Variants in CADM2 observed in about 807,000 individuals in gnomAD.
CADM2 encodes cell adhesion molecule 2.
CADM2 carries 12 observed loss-of-function variants against 49.8 expected under a neutral mutation model. That is an observed-to-expected ratio of 0.24 (90% CI 0.15 to 0.39). The LOEUF (loss-of-function observed/expected upper bound fraction) is 0.39, where lower values mean the gene tolerates loss of function less well. Ranked by LOEUF, CADM2 falls within the 10% of genes least tolerant of loss-of-function variation. CADM2 has a pLI of 1.00. For synonymous variants in CADM2, 214 were observed against 175.4 expected (o/e 1.22, Z -1.74); for missense variants, 378 against 492.3 (o/e 0.77, Z 2.20).
In CADM2 at chr3:85,401,241, T is replaced by C. The variant is rs567982664; in HGVS notation, c.62-325281T>C. On this transcript the variant is annotated intron_variant, in intron 1 of 9. Transcript: ENST00000383699. ...GACTGGCCTCAGCTAATGGTTCTTT[T>C]ATTTTTCTCACTGGTAAAAGTACTG... is the stretch of plus-strand genomic sequence containing the variant. Among the ~76,000 whole-genome samples the C allele has an allele frequency of 1.1e-4, 16 of 152,312 alleles. No homozygotes were observed. In the South Asian group the frequency reaches 3.3e-3, roughly 32 times the overall value.
intron 1 of CADM2, among the ~76,000 whole-genome samples, chr3:85,071,479 C>T (rs1478514318): frequency 6.6e-6 from 1 of 152,028 alleles, no homozygotes; most frequent in Non-Finnish European, 1.5e-5. Context: ...ACAAGTAGTG[C>T]CACCAAATTG....
chr3:84,969,237 T>C (rs998487883), intron 1 of CADM2, among the ~76,000 whole-genome samples: 2 of 152,038 alleles, frequency 1.3e-5, no homozygotes, highest in Non-Finnish European at 2.9e-5. Flanking sequence ...TTTATGCTTA[T>C]GGCAATAAAA....
At chr3:85,808,776 A>T (rs1430949905) in intron 3 of CADM2, among the ~76,000 whole-genome samples, 1 of 152,238 alleles carries the variant, frequency 6.6e-6, no homozygotes, top group Admixed American at 6.5e-5. Flanking sequence ...TTTATTAAAG[A>T]CATAGCTTTA....
intron 1 of CADM2, among the ~76,000 whole-genome samples, chr3:85,629,844 C>A (rs2064251751): frequency 6.6e-6 from 1 of 151,954 alleles, no homozygotes; most frequent in African/African-American, 2.4e-5. Context: ...ATTGGTTAAA[C>A]TACTCTGTTT....
chr3:85,234,881 A>G (rs1010494762), intron 1 of CADM2, among the ~76,000 whole-genome samples: 1 of 152,158 alleles, frequency 6.6e-6, no homozygotes, highest in Non-Finnish European at 1.5e-5. Flanking sequence ...ATAAAACATA[A>G]GAGTAGAACA....
At chr3:85,591,861 G>C (rs531055084) in intron 1 of CADM2, among the ~76,000 whole-genome samples, 8 of 151,916 alleles carry the variant, frequency 5.3e-5, no homozygotes, top group Middle Eastern at 3.2e-3. Context: ...TTGATGGAAG[G>C]GACTGATGAG....
chr3:85,162,385 C>G (rs1376924036), intron 1 of CADM2, among the ~76,000 whole-genome samples: 1 of 152,010 alleles, frequency 6.6e-6, no homozygotes, highest in Non-Finnish European at 1.5e-5. Flanking sequence ...TAAATAATGG[C>G]TTTTTATATC....
intron 8 of CADM2, among the ~76,000 whole-genome samples, chr3:85,967,553 A>C (rs1725622874): frequency 6.6e-6 from 1 of 151,648 alleles, no homozygotes; most frequent in African/African-American, 2.4e-5. Flanking sequence ...ATATAATAAT[A>C]CATCCCTAAT....
intron 1 of CADM2, among the ~76,000 whole-genome samples, chr3:85,512,309 C>A (rs1206520486): frequency 6.6e-6 from 1 of 152,068 alleles, no homozygotes; most frequent in Non-Finnish European, 1.5e-5. Flanking sequence ...AGGAGAATGG[C>A]CTCCAGCTGA....
chr3:85,509,615 G>A (rs1407243264), intron 1 of CADM2, among the ~76,000 whole-genome samples: 1 of 152,118 alleles, frequency 6.6e-6, no homozygotes, highest in Non-Finnish European at 1.5e-5. Context: ...CATGAGGGCA[G>A]TGATGGTCTG....
intron 7 of CADM2, among the ~76,000 whole-genome samples, chr3:85,936,363 A>C (rs1028160527): frequency 6.6e-6 from 1 of 151,894 alleles, no homozygotes; most frequent in Non-Finnish European, 1.5e-5. Flanking sequence ...TTTCAATATT[A>C]GAATATATGC....
At chr3:85,269,322 C>A (rs995195093) in intron 1 of CADM2, among the ~76,000 whole-genome samples, 5 of 151,178 alleles carry the variant, frequency 3.3e-5, no homozygotes, top group African/African-American at 1.2e-4. Flanking sequence ...GTTAACAGCA[C>A]CTTGAGAATT....
chr3:85,970,115 C>T (rs773494497), intron 8 of CADM2, among the ~76,000 whole-genome samples: 5 of 148,204 alleles, frequency 3.4e-5, no homozygotes, highest in Non-Finnish European at 6.0e-5. Flanking sequence ...AAAAAAAAGA[C>T]GTGTTTACTT....
At chr3:85,026,899 G>A (rs1381648087) in intron 1 of CADM2, among the ~76,000 whole-genome samples, 1 of 151,736 alleles carries the variant, frequency 6.6e-6, no homozygotes, top group East Asian at 1.9e-4. Context: ...TATATACCCT[G>A]GAAAAATGTA....
chr3:85,102,871 G>T (rs74762511), intron 1 of CADM2, among the ~76,000 whole-genome samples: 3,251 of 152,190 alleles, frequency 0.021, 125 homozygotes, highest in African/African-American at 0.074. Flanking sequence ...GAAGGAAAGG[G>T]CACTCATAAA....
At chr3:85,134,233 C>A (rs1215605864) in intron 1 of CADM2, among the ~76,000 whole-genome samples, 2 of 152,226 alleles carry the variant, frequency 1.3e-5, no homozygotes, top group African/African-American at 4.8e-5. Flanking sequence ...GGTTCCCGCT[C>A]GCGCGTCTCC....
At chr3:85,383,535 T>C (rs970792109) in intron 1 of CADM2, among the ~76,000 whole-genome samples, 5 of 145,794 alleles carry the variant, frequency 3.4e-5, no homozygotes, top group African/African-American at 7.5e-5. Flanking sequence ...TATATATATA[T>C]ATACATATAT....
At chr3:84,966,473 AT>A (rs1227100250) in intron 1 of CADM2, among the ~76,000 whole-genome samples, 2 of 151,400 alleles carry the variant, frequency 1.3e-5, no homozygotes, top group African/African-American at 2.4e-5. Flanking sequence ...TAAGAATTTT[AT>A]TTTTTTTTAA....
chr3:85,712,082 C>T (rs192133902), intron 1 of CADM2, among the ~76,000 whole-genome samples: 26 of 152,206 alleles, frequency 1.7e-4, no homozygotes, highest in Non-Finnish European at 2.8e-4. Context: ...TCTTCAGTGA[C>T]GAAACTTATT....
Sources: allele counts gnomAD v4.1 joint callset (sites outside exome capture counted in the v4.1 genomes callset), GRCh38; gene constraint gnomAD v4.1.1; transcripts MANE v1.5; gene names NCBI Gene and HGNC (gene_info 2026-07-23, HGNC 2026-07-21).